The following VPS33A variants were observed in gnomAD, a reference collection of about 807,000 sequenced individuals.
VPS33A encodes vacuolar protein sorting-associated protein 33A.
In VPS33A, 32 loss-of-function variants were observed where a neutral mutation model predicts 71.8. That is an observed-to-expected ratio of 0.45 (90% CI 0.34 to 0.60). The LOEUF is 0.60. VPS33A is among the 20% of genes least tolerant of loss of function. VPS33A has a pLI of 0.02. For missense variants in VPS33A, 625 were observed against 748.5 expected (o/e 0.84, Z 1.92); for synonymous variants, 311 against 292.7 (o/e 1.06, Z -0.64).
At chr12:122,249,713 T>G (rs941716392) in intron 6 of VPS33A, 158 bp downstream of exon 6, 2 of 620,848 alleles carry the variant, frequency 3.2e-6, no homozygotes, top group African/African-American at 1.9e-5. Flanking sequence ...GTTGCTAAAT[T>G]GCTTACAAAA....
rs762344052 is a variant in VPS33A, at chr12:122,263,654, G to T, written c.214C>A (p.Pro72Thr). 11 of 1,612,844 alleles carry T rather than the reference G, an allele frequency of 6.8e-6. No homozygotes were observed. The highest frequency in any genetic ancestry group is 9.3e-6 in the Non-Finnish European group (11 of 1,179,230). ...ATTATATTCTTCACATCAGCTGCCG[G>T]CAAACGATTTCCTTTAAGTGTGAAC... The part of the protein sequence containing the change: ...KMFTLKGNRL[P>T]AADVKNIIFF... The change falls in exon 3 of 13, where the codon CCG becomes ACG. Residue 72 changes from proline (P) to threonine (T), a missense_variant. By Grantham distance (38) the Pro-to-Thr change is conservative. Coordinates refer to ENST00000267199, the MANE Select transcript of VPS33A (RefSeq NM_022916.6).
chr12:122,259,230 T>TATGC (rs1954960776), intron 4 of VPS33A, among the ~76,000 whole-genome samples: 1 of 150,150 alleles, frequency 6.7e-6, no homozygotes, highest in South Asian at 2.1e-4. Context: ...TGTATGTATG[T>TATGC]ATTTTTGAGA....
At chr12:122,250,786 T>C (rs1255089944) in intron 5 of VPS33A, among the ~76,000 whole-genome samples, 197 bp downstream of exon 5, 1 of 152,240 alleles carries the variant, frequency 6.6e-6, no homozygotes, top group East Asian at 1.9e-4. Context: ...CTGTCACCAC[T>C]GTGCACGCCG....
At chr12:122,248,229 C>T (rs568735493) in intron 6 of VPS33A, 3 of 152,480 alleles carry the variant, frequency 2.0e-5, no homozygotes, top group Admixed American at 2.0e-4. Context: ...TCTTACACAT[C>T]CCTCTCCTCA....
chr12:122,239,545 T>C lies in VPS33A; in HGVS notation c.1164+333A>G, dbSNP rs192611833. Among the ~76,000 whole-genome samples the C allele has an allele frequency of 2.7e-3, 413 of 152,092 alleles. 11 individuals carry two copies. In the South Asian group the frequency reaches 0.033, roughly 12 times the overall value. On this transcript the variant is annotated intron_variant, in intron 9 of 12. Transcript: ENST00000267199. ...GGTCGGAGATCGAGACCATCCTGGC[T>C]AACATGGTGAAACCCCGTCTCTATT...
intron 11 of VPS33A, 150 bp downstream of exon 11, chr12:122,235,636 G>A: frequency 9.9e-7 from 1 of 1,007,072 alleles, no homozygotes; most frequent in South Asian, 1.9e-5. Context: ...GATTCTGATG[G>A]ATACAATACA....
intron 9 of VPS33A, among the ~76,000 whole-genome samples, chr12:122,239,021 A>AC (rs201281659): frequency 4.4e-5 from 6 of 137,516 alleles, no homozygotes; most frequent in African/African-American, 6.2e-5. Context: ...ACACACACAC[A>AC]CCCCCCAGTG....
At chr12:122,238,530 AT>A in intron 10 of VPS33A, 56 bp downstream of exon 10, 1 of 1,568,876 alleles carries the variant, frequency 6.4e-7, no homozygotes, top group Non-Finnish European at 8.6e-7. Flanking sequence ...CCCATGAAGT[AT>A]TTTTTAAAAA....
chr12:122,236,024 A>G, intron 10 of VPS33A, 101 bp from the exon 11 acceptor site: 1 of 1,418,312 alleles, frequency 7.1e-7, no homozygotes, highest in Non-Finnish European at 9.5e-7. Context: ...TTTGTACTGC[A>G]GGACATGTTA....
At chr12:122,240,069 T>G (rs541193476) in intron 8 of VPS33A, 124 bp from the exon 9 acceptor site, 10 of 718,156 alleles carry the variant, frequency 1.4e-5, no homozygotes, top group Non-Finnish European at 2.4e-5. Flanking sequence ...GGCTCACACC[T>G]GTAATCTCAG....
rs182972345 is a variant in VPS33A at position 122,246,338 on chromosome 12, C to T, written c.776-1576G>A. On this transcript the variant is annotated intron_variant, in intron 6 of 12. Transcript: ENST00000267199. ...TATTTAAGAGGGAGTCTCGCTCTCT[C>T]GCCCAGGCTGGAGTGCAGTGGCGTG... Among the ~76,000 whole-genome samples, 443 of 151,204 alleles carry T rather than the reference C, an allele frequency of 2.9e-3. 3 individuals carry two copies. The highest frequency in any genetic ancestry group is 0.01 in the African/African-American group (430 of 41,384).
At chr12:122,257,054 TATA>T (rs1954928728) in intron 4 of VPS33A, among the ~76,000 whole-genome samples, 1 of 152,082 alleles carries the variant, frequency 6.6e-6, no homozygotes, top group South Asian at 2.1e-4. Flanking sequence ...TGTAGCTGCA[TATA>T]ATATCCCCCC....
intron 8 of VPS33A, among the ~76,000 whole-genome samples, chr12:122,240,820 G>A (rs540316911): frequency 1.3e-5 from 2 of 152,048 alleles, no homozygotes; most frequent in African/African-American, 2.4e-5. Context: ...AAGAACATGC[G>A]CCAATAAGTA....
chr12:122,264,348 A>G (rs955474988), intron 1 of VPS33A, 149 bp from the exon 2 acceptor site: 3 of 524,214 alleles, frequency 5.7e-6, no homozygotes, highest in African/African-American at 1.9e-5. Context: ...AATAATAATA[A>G]TACATAAAGG....
chr12:122,237,022 G>C (rs2136124113), intron 10 of VPS33A, among the ~76,000 whole-genome samples: 1 of 152,178 alleles, frequency 6.6e-6, no homozygotes, highest in Admixed American at 6.6e-5. Flanking sequence ...TGCATTATTT[G>C]ACTCTTACAC....
chr12:122,257,490 G>C (rs1296899386), intron 4 of VPS33A, among the ~76,000 whole-genome samples: 1 of 147,594 alleles, frequency 6.8e-6, no homozygotes, highest in African/African-American at 2.5e-5. Context: ...TGGACAACAC[G>C]GTGAAACCCC....
intron 5 of VPS33A, 171 bp downstream of exon 5, chr12:122,250,812 G>C (rs143047216): frequency 8.5e-6 from 5 of 591,016 alleles, no homozygotes; most frequent in Non-Finnish European, 1.5e-5. Flanking sequence ...AGCACCATGA[G>C]TACTGACTTG....
rs746312862 is a variant in VPS33A, at chr12:122,266,361, G to C, written c.48C>G (p.Arg16=). Residue 16 remains arginine (R), a synonymous_variant, in exon 1 of 13, where the codon CGC becomes CGG. Coordinates refer to ENST00000267199, the MANE Select transcript of VPS33A (RefSeq NM_022916.6). ...SYGRVNLNVL[R]EAVRRELREF... ...CGCGCAGCTCGCGACGCACCGCCTC[G>C]CGCAACACGTTTAGGTTCACTCGGC... is the stretch of plus-strand genomic sequence containing the variant. 6.2e-7 allele frequency: 1 copy of C among 1,613,534 alleles called. No homozygotes were observed. The highest frequency in any genetic ancestry group is 1.1e-5 in the South Asian group (1 of 91,078).
chr12:122,254,831 G>A lies in VPS33A; in HGVS notation c.484-3732C>T, dbSNP rs1003016547. On this transcript the variant is annotated intron_variant, in intron 4 of 12. Coordinates refer to ENST00000267199, the MANE Select transcript of VPS33A (RefSeq NM_022916.6). ...CTTTGGGAGGCTGAGGCGGTGGATC[G>A]CCTGAGGTCAGGAGTTCGAGACCAG... Among the ~76,000 whole-genome samples, 7 of 151,826 alleles carry A rather than the reference G, an allele frequency of 4.6e-5. No homozygotes were observed. The East Asian group carries it at 9.8e-4, about 21-fold the overall frequency.
Sources: allele counts gnomAD v4.1 joint callset (sites outside exome capture counted in the v4.1 genomes callset), GRCh38; gene constraint gnomAD v4.1.1; transcripts MANE v1.5; gene names NCBI Gene and HGNC (gene_info 2026-07-23, HGNC 2026-07-21).